Variants in DIAPH2 observed in about 807,000 individuals in gnomAD.
The protein encoded by DIAPH2 is diaphanous related formin 2, also known as protein diaphanous homolog 2.
In DIAPH2, 35 loss-of-function variants were observed where a neutral mutation model predicts 92.7. The observed-to-expected ratio is 0.38, with a 90% confidence interval of 0.29 to 0.50. The LOEUF is 0.50. Among genes scored for constraint, DIAPH2 ranks in the 20% least tolerant of loss-of-function variants. The probability of loss-of-function intolerance (pLI) is 0.94; values close to 1 mark genes in which losing one functional copy is unlikely to be tolerated. For synonymous variants in DIAPH2, 301 were observed against 280.4 expected (o/e 1.07, Z -0.73); for missense variants, 701 against 819.5 (o/e 0.86, Z 1.77).
intron 24 of DIAPH2, among the ~76,000 whole-genome samples, chrX:97,360,813 T>C (rs375056478): frequency 1.2e-4 from 14 of 112,022 alleles, no homozygotes; most frequent in African/African-American, 4.5e-4. Context: ...CTACGAGATA[T>C]TATTTGTGAA....
At chrX:97,270,089 C>A (rs2068373950) in intron 23 of DIAPH2, among the ~76,000 whole-genome samples, 1 of 111,055 alleles carries the variant, frequency 9.0e-6, no homozygotes, top group Non-Finnish European at 1.9e-5. Flanking sequence ...CGCCACCATG[C>A]CCCACTAATT....
rs766118823 is a variant in DIAPH2, at chrX:97,383,925, A to G, written c.3026A>G (p.Asn1009Ser). 3.3e-6 allele frequency: 4 copies of G among 1,198,482 alleles called. No individual in the cohort carries two copies. The highest frequency in any genetic ancestry group is 4.5e-6 in the Non-Finnish European group (4 of 890,163). Residue 1009 changes from asparagine to serine, a missense_variant, in exon 25 of 27, where the codon AAC (asparagine) becomes AGC (serine). By Grantham distance (46) the Asn-to-Ser change is conservative. Around this residue, in one of 3 missense-constraint regions of DIAPH2, gnomAD observed 536 missense variants for 599.3 expected, o/e 0.89. Coordinates refer to ENST00000324765, the MANE Select transcript of DIAPH2 (RefSeq NM_006729.5). ...TATGTATAGGAAGCAGTGAGAGAAA[A>G]CAATAAGAGAAGAGAAATGGAAGAG... is the stretch of plus-strand genomic sequence containing the variant. ...RTLFLEAVRENNKRREMEEKT... is the reference protein window; with the variant it reads ...RTLFLEAVRESNKRREMEEKT...
chrX:97,446,827 T>C (rs2070314994), intron 26 of DIAPH2, among the ~76,000 whole-genome samples: 1 of 105,381 alleles, frequency 9.5e-6, no homozygotes, highest in Non-Finnish European at 1.9e-5. Flanking sequence ...TTTGTTCTCC[T>C]AATTGGGTGG....
At chrX:96,995,975 T>C (rs1310462888) in intron 17 of DIAPH2, among the ~76,000 whole-genome samples, 2 of 110,971 alleles carry the variant, frequency 1.8e-5, no homozygotes, top group Admixed American at 9.6e-5. Context: ...AACTCAAATC[T>C]TGAATTTGTT....
intron 22 of DIAPH2, among the ~76,000 whole-genome samples, chrX:97,222,392 C>T (rs368424905): frequency 7.2e-5 from 8 of 111,706 alleles, no homozygotes; most frequent in Admixed American, 1.9e-4. Context: ...TTAGTAGAGA[C>T]GGGGTTTCAC....
At chrX:96,937,966 G>A (rs779455083) in intron 11 of DIAPH2, among the ~76,000 whole-genome samples, 227 of 111,088 alleles carry the variant, frequency 2.0e-3, no homozygotes, top group Non-Finnish European at 2.3e-3. Flanking sequence ...CATTTGTTTC[G>A]CACCTGTTAT....
At chrX:97,469,670 C>A (rs769730482) in intron 26 of DIAPH2, 2 of 1,191,180 alleles carry the variant, frequency 1.7e-6, no homozygotes, top group Non-Finnish European at 2.3e-6. Flanking sequence ...AATAATTTTT[C>A]TCTTTATTTC....
intron 17 of DIAPH2, among the ~76,000 whole-genome samples, chrX:97,062,283 G>A (rs1386328687): frequency 8.9e-6 from 1 of 112,097 alleles, no homozygotes; most frequent in Non-Finnish European, 1.9e-5. Flanking sequence ...ATGGGTTACT[G>A]TTAACAATAT....
At chrX:96,691,893 C>T (rs1005281233) in intron 1 of DIAPH2, among the ~76,000 whole-genome samples, 3 of 111,580 alleles carry the variant, frequency 2.7e-5, no homozygotes, top group Non-Finnish European at 5.6e-5. Flanking sequence ...AATCACCTGG[C>T]AGTTCTGGCA....
chrX:97,604,833 A>C lies in DIAPH2; in HGVS notation c.*5516A>C, dbSNP rs939934617. 3 of 112,131 alleles carry C rather than the reference A, an allele frequency of 2.7e-5. No individual in the cohort carries two copies. Among genetic ancestry groups the C allele is most frequent in the Non-Finnish European group, 3.8e-5 (2 of 53,242 alleles). The allele number at this position is 112,131 out of a possible 1,213,427, so 9.2% of individuals were successfully genotyped here. On this transcript the variant is annotated 3_prime_UTR_variant, in exon 27 of 27. Coordinates refer to ENST00000324765, the MANE Select transcript of DIAPH2 (RefSeq NM_006729.5). ...ATGGGTATTGAGGGAGATTGTGTCCATACCAAGCCACCCTGAAGAAGTATT... is the reference window on the plus strand; with the variant it reads ...ATGGGTATTGAGGGAGATTGTGTCCCTACCAAGCCACCCTGAAGAAGTATT...
At chrX:97,070,359 A>G (rs1413480697) in intron 17 of DIAPH2, among the ~76,000 whole-genome samples, 1 of 111,723 alleles carries the variant, frequency 9.0e-6, no homozygotes, top group Non-Finnish European at 1.9e-5. Flanking sequence ...TAATTATAGA[A>G]TTGCTATTTA....
chrX:96,971,689 T>G (rs1038187499), intron 17 of DIAPH2, among the ~76,000 whole-genome samples: 2 of 111,539 alleles, frequency 1.8e-5, no homozygotes, highest in African/African-American at 3.3e-5. Flanking sequence ...GTTGATTCTT[T>G]GAATTTTCTC....
chrX:96,692,451 T>C (rs2063802772), intron 1 of DIAPH2, among the ~76,000 whole-genome samples: 1 of 112,128 alleles, frequency 8.9e-6, no homozygotes, highest in African/African-American at 3.2e-5. Context: ...ACTGAACTCC[T>C]TAAACAAATA....
chrX:96,966,752 A>G (rs1477086946), intron 17 of DIAPH2, among the ~76,000 whole-genome samples: 1 of 111,812 alleles, frequency 8.9e-6, no homozygotes. Flanking sequence ...ATGACTCCAT[A>G]TATGCTGTTT....
intron 23 of DIAPH2, among the ~76,000 whole-genome samples, chrX:97,302,793 T>G (rs912646084): frequency 2.7e-5 from 3 of 111,302 alleles, no homozygotes; most frequent in African/African-American, 9.8e-5. Context: ...AAGACCAGCC[T>G]GGCCAACATG....
At chrX:97,570,546 C>T (rs1232041259) in intron 26 of DIAPH2, among the ~76,000 whole-genome samples, 1 of 109,829 alleles carries the variant, frequency 9.1e-6, no homozygotes, top group Non-Finnish European at 1.9e-5. Flanking sequence ...TTAAAAAATG[C>T]TGTAGAAGCT....
At chrX:97,125,334 G>A (rs905028168) in intron 21 of DIAPH2, among the ~76,000 whole-genome samples, 2 of 107,982 alleles carry the variant, frequency 1.9e-5, no homozygotes, top group Admixed American at 2.0e-4. Flanking sequence ...TTAGCCGGGC[G>A]TGGTGGCGGG....
intron 21 of DIAPH2, among the ~76,000 whole-genome samples, chrX:97,134,307 CA>C (rs970290436): frequency 2.7e-5 from 3 of 111,646 alleles, no homozygotes; most frequent in African/African-American, 9.8e-5. Flanking sequence ...TCAGATGCCA[CA>C]AATTGCTAGA....
At chrX:96,753,918 C>T (rs1005661570) in intron 3 of DIAPH2, among the ~76,000 whole-genome samples, 6 of 112,233 alleles carry the variant, frequency 5.3e-5, no homozygotes, top group Non-Finnish European at 9.4e-5. Context: ...ATGGCCTATT[C>T]GTGGCCTGCT....
Sources: gnomAD v4.1 joint callset for allele counts (sites outside exome capture counted in the v4.1 genomes callset) on GRCh38, gnomAD v4.1.1 for gene constraint, gnomAD v4.1.1 regional missense constraint, MANE v1.5 for transcripts, NCBI Gene and HGNC (gene_info 2026-07-23, HGNC 2026-07-21) for gene names.